SCN11A: variants seen among roughly 807,000 people sequenced by gnomAD.
SCN11A encodes sodium voltage-gated channel alpha subunit 11, also known as sodium channel protein type 11 subunit alpha.
In SCN11A, 122 loss-of-function variants were observed where a neutral mutation model predicts 162.2. The ratio of observed to expected loss-of-function variants is 0.75; its 90% CI spans 0.65 to 0.87. The LOEUF is 0.87. Ranked by LOEUF, SCN11A falls within the 40% of genes least tolerant of loss-of-function variation. The pLI, the probability that SCN11A is intolerant of heterozygous loss-of-function variation, is 0.00. For synonymous variants in SCN11A, 758 were observed against 751.5 expected (o/e 1.01, Z -0.14); for missense variants, 2,015 against 2,181.6 (o/e 0.92, Z 1.52).
chr3:38,870,806 G>A, intron 25 of SCN11A, 62 bp from the exon 26 acceptor site: 1 of 1,475,624 alleles, frequency 6.8e-7, no homozygotes, highest in Non-Finnish European at 9.5e-7. Context: ...ACAGATACAT[G>A]GCATGGAAAA....
Position 38,847,748 on chromosome 3 carries a change from G to A in SCN11A, c.4328-6C>T. 1 of 1,551,984 alleles carries A rather than the reference G, an allele frequency of 6.4e-7. No homozygotes were observed. The highest frequency in any genetic ancestry group is 8.8e-7 in the Non-Finnish European group (1 of 1,137,578). On this transcript the variant is annotated splice_region_variant and splice_polypyrimidine_tract_variant and intron_variant, in intron 29 of 29. Transcript: ENST00000302328. ...CAAGGTAGAAATCATTGTACCTCAG[G>A]AGAAGGAGAAAAGTAAATAAGTTTC... is the stretch of plus-strand genomic sequence containing the variant.
chr3:38,976,892 A>G (rs544679311), intron 2 of SCN11A, among the ~76,000 whole-genome samples: 16 of 152,286 alleles, frequency 1.1e-4, no homozygotes, highest in African/African-American at 3.4e-4. Flanking sequence ...AATGACAGAC[A>G]TTTTACTTAA....
At chr3:39,000,514 C>T (rs1380633396) in intron 2 of SCN11A, among the ~76,000 whole-genome samples, 1 of 152,200 alleles carries the variant, frequency 6.6e-6, no homozygotes, top group East Asian at 1.9e-4. Flanking sequence ...GCGTTCTCAA[C>T]TCCCCCCTCC....
chr3:38,928,444 C>T (rs766182830), intron 7 of SCN11A, among the ~76,000 whole-genome samples: 15 of 152,046 alleles, frequency 9.9e-5, no homozygotes, highest in East Asian at 5.8e-4. Flanking sequence ...ACCTAGATAA[C>T]AGGTTGATGG....
intron 2 of SCN11A, among the ~76,000 whole-genome samples, chr3:38,995,819 G>GTCTATCTA (rs373221139): frequency 0.019 from 2,716 of 141,740 alleles, 64 homozygotes; most frequent in African/African-American, 0.054. Context: ...CTATCTATCT[G>GTCTATCTA]TCTATCTATC....
intron 2 of SCN11A, among the ~76,000 whole-genome samples, chr3:38,971,361 A>T (rs1026989454): frequency 6.6e-6 from 1 of 151,922 alleles, no homozygotes; most frequent in African/African-American, 2.4e-5. Context: ...GACTCCCTTT[A>T]CCCTAGAGGT....
chr3:38,942,484 CAG>C (rs1276214954), intron 7 of SCN11A, among the ~76,000 whole-genome samples: 4 of 152,020 alleles, frequency 2.6e-5, no homozygotes, highest in Non-Finnish European at 5.9e-5. Flanking sequence ...TGAAATTTTA[CAG>C]AGTGTATTCT....
chr3:38,917,533 G>A (rs1173645253), intron 11 of SCN11A, among the ~76,000 whole-genome samples: 1 of 152,168 alleles, frequency 6.6e-6, no homozygotes, highest in Non-Finnish European at 1.5e-5. Context: ...TGGAGCTGGA[G>A]GCTATTAACC....
chr3:39,014,911 CA>C (rs2031246767), intron 2 of SCN11A, among the ~76,000 whole-genome samples: 1 of 152,240 alleles, frequency 6.6e-6, no homozygotes, highest in Non-Finnish European at 1.5e-5. Context: ...GGCTCATCAT[CA>C]GCCTTTGTTG....
At chr3:38,991,430 CCTTT>C (rs1171670798) in intron 2 of SCN11A, among the ~76,000 whole-genome samples, 2 of 152,204 alleles carry the variant, frequency 1.3e-5, no homozygotes, top group African/African-American at 4.8e-5. Flanking sequence ...ACCCTCTCTT[CCTTT>C]GTCTCTGAGC....
chr3:39,010,150 A>C (rs1401738470), intron 2 of SCN11A, among the ~76,000 whole-genome samples: 1 of 152,112 alleles, frequency 6.6e-6, no homozygotes, highest in East Asian at 1.9e-4. Context: ...ACTAATTCTA[A>C]AAAGAAGGTT....
At chr3:38,863,130 G>C in intron 28 of SCN11A, 65 bp downstream of exon 28, 1 of 947,760 alleles carries the variant, frequency 1.1e-6, no homozygotes, top group Middle Eastern at 2.1e-4. Context: ...TGGCATTACG[G>C]AAATTTGAGT....
intron 11 of SCN11A, among the ~76,000 whole-genome samples, chr3:38,913,734 AC>A (rs1209723678): frequency 6.8e-6 from 1 of 148,058 alleles, no homozygotes; most frequent in Non-Finnish European, 1.5e-5. Flanking sequence ...TTATTCCAGC[AC>A]CATTTATTGA....
chr3:38,976,671 A>C (rs1219307203), intron 2 of SCN11A, among the ~76,000 whole-genome samples: 1 of 152,132 alleles, frequency 6.6e-6, no homozygotes, highest in Non-Finnish European at 1.5e-5. Flanking sequence ...TGTATTGCAC[A>C]CTTGATCTTA....
rs545139818 is a variant in SCN11A at position 39,029,307 on chromosome 3, A to T, written c.-280+3073T>A. Among the ~76,000 whole-genome samples the T allele has an allele frequency of 1.4e-4, 22 of 152,332 alleles. No individual in the cohort carries two copies. The South Asian group carries it at 4.1e-3, about 29-fold the overall frequency. Reference sequence around the variant, plus strand: ...GGTAAAAAATTATATCTATATAAATATGTATTTTCTTGATTATAAATGAAG... The same window carrying T: ...GGTAAAAAATTATATCTATATAAATTTGTATTTTCTTGATTATAAATGAAG... On this transcript the variant is annotated intron_variant, in intron 2 of 29. Transcript: ENST00000302328.
Position 38,946,901 on chromosome 3 carries a change from TA to T in SCN11A, c.273del (p.Phe91LeufsTer4). ...ATTGTCCTCTTTCTGTTTAACACCA[TA>T]AATGTCTGCAAAACAAAAAAAACAA... ...LDPFYRNHKT[F>X]MVLNRKRTIY... On this transcript the variant is annotated frameshift_variant, in exon 6 of 30. Transcript: ENST00000302328. LOFTEE classifies it high-confidence loss of function. The T allele has an allele frequency of 6.3e-7, 1 of 1,593,162 alleles. No homozygotes were observed. The highest frequency in any genetic ancestry group is 8.6e-7 in the Non-Finnish European group (1 of 1,168,908).
intron 9 of SCN11A, among the ~76,000 whole-genome samples, chr3:38,924,745 G>T (rs11720013): frequency 0.1 from 15,503 of 151,976 alleles, 1,065 homozygotes; most frequent in East Asian, 0.22. Context: ...CTGGCCTCAA[G>T]TTATCTCCCC....
chr3:38,885,481 T>C lies in SCN11A; in HGVS notation c.2950-79A>G, dbSNP rs531549689. 1.5e-4 allele frequency: 119 copies of C among 799,764 alleles called. No homozygotes were observed. The African/African-American group carries it at 1.8e-3, about 12-fold the overall frequency. The allele number at this position is 799,764 out of a possible 1,614,324, so 49.5% of individuals were successfully genotyped here. A position where few individuals can be genotyped will look rare whatever the true frequency, so the allele number is the denominator to read the frequency against. ...CATAGTAGTACGGAGTTTCTCATTG[T>C]CTGATTTTTTAAGGATGAAATGAAC... On this transcript the variant is annotated intron_variant, in intron 20 of 29. Coordinates refer to ENST00000302328, the MANE Select transcript of SCN11A (RefSeq NM_001349253.2).
intron 2 of SCN11A, among the ~76,000 whole-genome samples, chr3:39,030,964 T>G (rs780214481): frequency 1.3e-5 from 2 of 152,216 alleles, no homozygotes; most frequent in Non-Finnish European, 2.9e-5. Context: ...GCCAGTTAGT[T>G]CAAATCAAGG....
Sources: gnomAD v4.1 joint callset for allele counts (sites outside exome capture counted in the v4.1 genomes callset) on GRCh38, gnomAD v4.1.1 for gene constraint, MANE v1.5 for transcripts, NCBI Gene and HGNC (gene_info 2026-07-23, HGNC 2026-07-21) for gene names.